The following USP37 variants were observed in gnomAD, a reference collection of about 807,000 sequenced individuals.
USP37 encodes the protein ubiquitin specific peptidase 37.
In USP37, 27 loss-of-function variants were observed where a neutral mutation model predicts 124.0. The ratio of observed to expected loss-of-function variants is 0.22; its 90% CI spans 0.16 to 0.30. The LOEUF (loss-of-function observed/expected upper bound fraction) is 0.30. Ranked by LOEUF, USP37 falls within the 10% of genes least tolerant of loss-of-function variation. The pLI is 1.00. For synonymous variants in USP37, 365 were observed against 388.0 expected (o/e 0.94, Z 0.70); for missense variants, 889 against 1,140.4 (o/e 0.78, Z 3.17).
intron 2 of USP37, among the ~76,000 whole-genome samples, chr2:218,562,169 A>G (rs747592105): frequency 1.3e-5 from 2 of 152,222 alleles, no homozygotes; most frequent in African/African-American, 4.8e-5. Flanking sequence ...CTCATTCATT[A>G]TATTATCAGG....
At chr2:218,529,912 A>C (rs753446428) in intron 10 of USP37, 44 bp downstream of exon 10, 1 of 1,480,480 alleles carries the variant, frequency 6.8e-7, no homozygotes, top group Non-Finnish European at 9.2e-7. Flanking sequence ...TCTGAAAAAA[A>C]AAGAACTCCT....
At position 218,549,698 on chromosome 2, in the gene USP37, C is replaced by G. The variant is rs111420199; in HGVS notation, c.429+111G>C. ...CAGGCTGGTCTCAGACTCCTGACCT[C>G]GGGTGATCCACCCGCCTCGGCCTCC... On this transcript the variant is annotated intron_variant, in intron 6 of 25. Coordinates refer to ENST00000258399, the MANE Select transcript of USP37 (RefSeq NM_020935.3). The G allele has an allele frequency of 1.2e-5, 11 of 912,314 alleles. No individual in the cohort carries two copies. In the African/African-American group the frequency reaches 1.7e-4, roughly 14 times the overall value. The allele number at this position is 912,314 out of a possible 1,614,324, so 56.5% of individuals were successfully genotyped here.
chr2:218,463,160 C>T (rs1690110451), intron 22 of USP37, 146 bp downstream of exon 22: 1 of 829,686 alleles, frequency 1.2e-6, no homozygotes, highest in African/African-American at 1.8e-5. Context: ...GAGTGAGAGG[C>T]TCTCCCCCAC....
chr2:218,536,516 G>A (rs1189186267), intron 8 of USP37, among the ~76,000 whole-genome samples: 1 of 152,220 alleles, frequency 6.6e-6, no homozygotes, highest in African/African-American at 2.4e-5. Context: ...CAGCTCTCCT[G>A]ATTTGGATTA....
At chr2:218,475,238 T>C (rs896187244) in intron 19 of USP37, among the ~76,000 whole-genome samples, 1 of 152,218 alleles carries the variant, frequency 6.6e-6, no homozygotes, top group Non-Finnish European at 1.5e-5. Flanking sequence ...ATACAGTAAA[T>C]ATTCTATCAT....
At chr2:218,543,524 A>C (rs1424409022) in intron 8 of USP37, among the ~76,000 whole-genome samples, 4 of 150,678 alleles carry the variant, frequency 2.7e-5, no homozygotes, top group East Asian at 1.9e-4. Flanking sequence ...AAAAAAAAAA[A>C]AAAACAGGAC....
At chr2:218,540,989 C>T (rs552701755) in intron 8 of USP37, among the ~76,000 whole-genome samples, 1 of 152,248 alleles carries the variant, frequency 6.6e-6, no homozygotes, top group South Asian at 2.1e-4. Flanking sequence ...TGCTGCAATA[C>T]CCTTTAAAAG....
intron 11 of USP37, among the ~76,000 whole-genome samples, chr2:218,501,392 T>C (rs1689378816): frequency 6.6e-6 from 1 of 152,082 alleles, no homozygotes; most frequent in Admixed American, 6.6e-5. Context: ...TATTCCTGTG[T>C]TGCCCATGGG....
chr2:218,554,941 CTTT>C (rs769214184), intron 4 of USP37, among the ~76,000 whole-genome samples: 9 of 150,744 alleles, frequency 6.0e-5, no homozygotes, highest in Non-Finnish European at 1.2e-4. Context: ...CTTTTTTTTT[CTTT>C]TTTAACTAAG....
Position 218,515,744 on chromosome 2 carries a change from A to G in USP37, c.864-5604T>C, listed in dbSNP as rs368519849. 2.6e-5 allele frequency among the ~76,000 whole-genome samples: 4 copies of G among 152,348 alleles called. No individual in the cohort carries two copies. In the East Asian group the frequency reaches 5.8e-4, roughly 22 times the overall value. On this transcript the variant is annotated intron_variant, in intron 10 of 25. Coordinates refer to ENST00000258399, the MANE Select transcript of USP37 (RefSeq NM_020935.3). ...TTTCTGCACAGCAAAAGAAACTATC[A>G]TCAGAGTGAACAGGTAACTTACAGA...
chr2:218,453,090 T>C lies in USP37; in HGVS notation c.*1840A>G, dbSNP rs1226291813. The C allele has an allele frequency of 1.3e-5, 2 of 152,206 alleles. No individual in the cohort carries two copies. The highest frequency in any genetic ancestry group is 4.8e-5 in the African/African-American group (2 of 41,448). 9.4% of individuals were successfully genotyped at this position (152,206 alleles called of 1,614,324 possible). ...TGGTAGGAGGCAAAGCATTTATCAG[T>C]AGTTGAGCAAAACTGCTGAGGCCAT... On this transcript the variant is annotated 3_prime_UTR_variant, in exon 26 of 26. Coordinates refer to ENST00000258399, the MANE Select transcript of USP37 (RefSeq NM_020935.3).
At chr2:218,489,373 A>T (rs1322179972) in intron 14 of USP37, among the ~76,000 whole-genome samples, 2 of 150,250 alleles carry the variant, frequency 1.3e-5, no homozygotes, top group Non-Finnish European at 3.0e-5. Flanking sequence ...AAAAAAAAAG[A>T]AAAACAACAA....
At chr2:218,528,777 C>T (rs902380876) in intron 10 of USP37, 1 of 180,572 alleles carries the variant, frequency 5.5e-6, no homozygotes, top group Non-Finnish European at 1.0e-5. Flanking sequence ...TAGCAGGTAT[C>T]TTATGTATTT....
At chr2:218,567,080 A>T (rs913418758) in intron 1 of USP37, among the ~76,000 whole-genome samples, 2 of 152,210 alleles carry the variant, frequency 1.3e-5, no homozygotes, top group African/African-American at 2.4e-5. Flanking sequence ...TTTTTAAGTC[A>T]TCAATATATA....
intron 23 of USP37, among the ~76,000 whole-genome samples, chr2:218,459,148 A>T (rs894487444): frequency 6.6e-6 from 1 of 151,998 alleles, no homozygotes; most frequent in African/African-American, 2.4e-5. Flanking sequence ...AGTGAGGAAC[A>T]ACCGTTTTTG....
intron 9 of USP37, among the ~76,000 whole-genome samples, chr2:218,534,183 C>T (rs1218590753): frequency 6.6e-6 from 1 of 152,182 alleles, no homozygotes; most frequent in Non-Finnish European, 1.5e-5. Flanking sequence ...TACAAATTGG[C>T]ACCCAATAAC....
intron 21 of USP37, among the ~76,000 whole-genome samples, chr2:218,465,640 CT>C (rs1209069907): frequency 6.6e-6 from 1 of 152,138 alleles, no homozygotes; most frequent in Non-Finnish European, 1.5e-5. Flanking sequence ...TCACTGCAAC[CT>C]CTGCCTCCTG....
intron 10 of USP37, among the ~76,000 whole-genome samples, chr2:218,512,121 T>C (rs959102533): frequency 2.0e-5 from 3 of 152,184 alleles, no homozygotes; most frequent in East Asian, 1.9e-4. Flanking sequence ...AGGTGGCTTA[T>C]GCCTGTAACC....
At chr2:218,474,963 A>C (rs1690886762) in intron 19 of USP37, 78 bp from the exon 20 acceptor site, 1 of 1,443,048 alleles carries the variant, frequency 6.9e-7, no homozygotes. Context: ...TAAAGTAGCA[A>C]CTTTATTTCT....
Sources: gnomAD v4.1 joint callset for allele counts (sites outside exome capture counted in the v4.1 genomes callset) on GRCh38, gnomAD v4.1.1 for gene constraint, MANE v1.5 for transcripts, NCBI Gene and HGNC (gene_info 2026-07-23, HGNC 2026-07-21) for gene names.